The following NETO1 variants were observed in gnomAD, a reference collection of about 807,000 sequenced individuals.
NETO1 encodes the protein neuropilin and tolloid like 1.
A neutral mutation model predicts 61.3 loss-of-function variants in NETO1; 26 were observed. That is an observed-to-expected ratio of 0.42 (90% CI 0.31 to 0.59). The LOEUF is 0.59. Among genes scored for constraint, NETO1 ranks in the 20% least tolerant of loss-of-function variants. The pLI is 0.12. For synonymous variants in NETO1, 225 were observed against 225.8 expected, an observed-to-expected ratio of 1.00 and a Z score of 0.03; for missense variants, 531 against 662.8, an observed-to-expected ratio of 0.80 and a Z score of 2.18.
chr18:72,750,024 A>C (rs2070538468), intron 9 of NETO1, 38 bp downstream of exon 9: 1 of 1,405,674 alleles, frequency 7.1e-7, no homozygotes, highest in African/African-American at 1.4e-5. Flanking sequence ...TTCAGTCTTC[A>C]GGTTATAGTT....
chr18:72,805,339 T>G (rs1033935065), intron 4 of NETO1, among the ~76,000 whole-genome samples: 1 of 152,208 alleles, frequency 6.6e-6, no homozygotes, highest in African/African-American at 2.4e-5. Context: ...TTCTCAAATA[T>G]TCTACACAAA....
At chr18:72,822,041 C>A (rs1387375060) in intron 4 of NETO1, among the ~76,000 whole-genome samples, 4 of 152,094 alleles carry the variant, frequency 2.6e-5, no homozygotes, top group Non-Finnish European at 5.9e-5. Flanking sequence ...GCTCTAGGGG[C>A]ATTTTTCCTG....
chr18:72,858,428 T>G (rs1160284667), intron 4 of NETO1, among the ~76,000 whole-genome samples: 2 of 152,170 alleles, frequency 1.3e-5, no homozygotes, highest in Non-Finnish European at 2.9e-5. Context: ...ACAAATAAAC[T>G]TTTGATTCAA....
intron 6 of NETO1, among the ~76,000 whole-genome samples, chr18:72,792,993 T>TA (rs2072177619): frequency 6.6e-6 from 1 of 152,128 alleles, no homozygotes; most frequent in South Asian, 2.1e-4. Flanking sequence ...CTACCTGGTG[T>TA]AAGGGGTCTT....
intron 4 of NETO1, among the ~76,000 whole-genome samples, chr18:72,795,155 T>C (rs2145286468): frequency 6.6e-6 from 1 of 152,284 alleles, no homozygotes; most frequent in African/African-American, 2.4e-5. Flanking sequence ...TTTCTAATGG[T>C]GAAAAGGCAA....
At chr18:72,792,754 A>T (rs576504156) in intron 6 of NETO1, among the ~76,000 whole-genome samples, 45 of 152,072 alleles carry the variant, frequency 3.0e-4, no homozygotes, top group African/African-American at 1.1e-3. Context: ...CCTGAGGAAC[A>T]CTTTAGCTTA....
At chr18:72,774,880 C>T (rs935409679) in intron 7 of NETO1, among the ~76,000 whole-genome samples, 3 of 152,148 alleles carry the variant, frequency 2.0e-5, no homozygotes, top group Admixed American at 6.6e-5. Flanking sequence ...ATGCAAAGTG[C>T]CATTTAGCTT....
At chr18:72,832,762 T>C (rs767063827) in intron 4 of NETO1, among the ~76,000 whole-genome samples, 1 of 152,220 alleles carries the variant, frequency 6.6e-6, no homozygotes, top group African/African-American at 2.4e-5. Context: ...CAATTCACTT[T>C]TTAGTACCAA....
chr18:72,778,795 A>G (rs1391076622), intron 7 of NETO1, among the ~76,000 whole-genome samples: 1 of 152,094 alleles, frequency 6.6e-6, no homozygotes, highest in East Asian at 1.9e-4. Context: ...TGTTCATGGC[A>G]ACGTAAATGT....
chr18:72,836,345 G>C (rs1370326468), intron 4 of NETO1, among the ~76,000 whole-genome samples: 1 of 152,086 alleles, frequency 6.6e-6, no homozygotes, highest in Admixed American at 6.5e-5. Context: ...TCATAAGTTA[G>C]TTCAGGTACA....
intron 4 of NETO1, among the ~76,000 whole-genome samples, chr18:72,802,479 G>T (rs1032352042): frequency 7.9e-5 from 12 of 152,224 alleles, no homozygotes; most frequent in Non-Finnish European, 1.5e-4. Flanking sequence ...TCTAAAAAAT[G>T]AACGGATGTA....
intron 4 of NETO1, chr18:72,834,584 T>C (rs2073683743): frequency 1.0e-6 from 1 of 981,182 alleles, no homozygotes; most frequent in African/African-American, 1.7e-5. Flanking sequence ...CACAACACTA[T>C]TACTCAGATC....
At chr18:72,834,023 G>T in intron 4 of NETO1, 1 of 694,200 alleles carries the variant, frequency 1.4e-6, no homozygotes, top group Non-Finnish European at 1.8e-6. Context: ...ACCTACAAGA[G>T]ACAGATATAT....
intron 4 of NETO1, among the ~76,000 whole-genome samples, chr18:72,810,869 T>C (rs2072845103): frequency 6.6e-6 from 1 of 152,184 alleles, no homozygotes; most frequent in Non-Finnish European, 1.5e-5. Context: ...AAGGAAAGAA[T>C]GGGTTTTTCT....
At chr18:72,856,566 A>G (rs1336763100) in intron 4 of NETO1, among the ~76,000 whole-genome samples, 3 of 152,206 alleles carry the variant, frequency 2.0e-5, no homozygotes, top group Non-Finnish European at 2.9e-5. Context: ...GAGTTGCTCA[A>G]TATTATTTTT....
rs1490869282 is a variant in NETO1 at position 72,747,704 on chromosome 18, G to A, written c.*475C>T. Reference sequence around the variant, plus strand: ...GTCCACACTGTCACTTTTCACTGTAGCATGTTCAAAATCATTCAGGAACGC... The same window carrying A: ...GTCCACACTGTCACTTTTCACTGTAACATGTTCAAAATCATTCAGGAACGC... On this transcript the variant is annotated 3_prime_UTR_variant, in exon 11 of 11. Transcript: ENST00000327305. 1 of 151,904 alleles carries A rather than the reference G, an allele frequency of 6.6e-6. No individual in the cohort carries two copies. The highest frequency in any genetic ancestry group is 2.4e-5 in the African/African-American group (1 of 41,368). 9.4% of individuals were successfully genotyped at this position (151,904 alleles called of 1,614,324 possible). A position where few individuals can be genotyped will look rare whatever the true frequency, so the allele number is the denominator to read the frequency against.
At chr18:72,809,315 G>A (rs2072783750) in intron 4 of NETO1, among the ~76,000 whole-genome samples, 1 of 152,036 alleles carries the variant, frequency 6.6e-6, no homozygotes, top group African/African-American at 2.4e-5. Flanking sequence ...ATAATCAAAA[G>A]TATGTCAAAT....
chr18:72,803,467 A>G (rs559450384), intron 4 of NETO1, among the ~76,000 whole-genome samples: 2 of 152,316 alleles, frequency 1.3e-5, no homozygotes, highest in African/African-American at 2.4e-5. Flanking sequence ...TTAAGAAGCT[A>G]TCACTTGTTG....
At chr18:72,837,112 G>T (rs929280342) in intron 4 of NETO1, among the ~76,000 whole-genome samples, 1 of 152,118 alleles carries the variant, frequency 6.6e-6, no homozygotes, top group Admixed American at 6.5e-5. Flanking sequence ...TTGTTCAACA[G>T]AATAATAATA....
Sources: gnomAD v4.1 joint callset for allele counts (sites outside exome capture counted in the v4.1 genomes callset) on GRCh38, gnomAD v4.1.1 for gene constraint, MANE v1.5 for transcripts, NCBI Gene and HGNC (gene_info 2026-07-23, HGNC 2026-07-21) for gene names.